The following CAND1 variants were observed in gnomAD, a reference collection of about 807,000 sequenced individuals.
CAND1 encodes cullin-associated NEDD8-dissociated protein 1.
Under a neutral mutation model 108.5 loss-of-function variants are expected in CAND1, and 7 were observed. The ratio of observed to expected loss-of-function variants is 0.06; its 90% CI spans 0.04 to 0.12. CAND1 has a LOEUF of 0.12. CAND1 is among the 10% of genes least tolerant of loss of function. The probability of loss-of-function intolerance (pLI) is 1.00; values close to 1 mark genes in which losing one functional copy is unlikely to be tolerated. For synonymous variants in CAND1, 534 were observed against 512.0 expected (o/e 1.04, Z -0.58); for missense variants, 941 against 1,448.7 (o/e 0.65, Z 5.69).
chr12:67,272,451 A>G (rs1400588185), intron 1 of CAND1, among the ~76,000 whole-genome samples: 1 of 152,332 alleles, frequency 6.6e-6, no homozygotes, highest in East Asian at 1.9e-4. Context: ...ATTAATACAG[A>G]GAAGGTAAAG....
At chr12:67,297,334 G>A in intron 4 of CAND1, 73 bp from the exon 5 acceptor site, 1 of 1,381,894 alleles carries the variant, frequency 7.2e-7, no homozygotes, top group Non-Finnish European at 1.0e-6. Context: ...GAGGTCAGAG[G>A]CCAGACATTT....
Position 67,302,564 on chromosome 12 carries a change from C to A in CAND1, c.1242C>A (p.Asp414Glu), listed in dbSNP as rs1488171932. The change falls in exon 8 of 15, where the codon GAC becomes GAA. Residue 414 changes from aspartate to glutamate, a missense_variant. This residue lies in a region of CAND1 where 697 missense variants were observed against 942.0 expected (regional missense o/e 0.74). Transcript: ENST00000545606. ...QTRPVQSWLC[D>E]PDAMEQGETP... ...GTCCTGTACAAAGTTGGCTATGTGA[C>A]CCTGATGCAATGGAGCAGGGAGAAA... The A allele has an allele frequency of 6.2e-7, 1 of 1,614,090 alleles. No homozygotes were observed. The highest frequency in any genetic ancestry group is 1.7e-5 in the Admixed American group (1 of 60,020).
intron 8 of CAND1, among the ~76,000 whole-genome samples, chr12:67,303,631 T>C (rs1221986477): frequency 6.6e-6 from 1 of 152,218 alleles, no homozygotes; most frequent in Non-Finnish European, 1.5e-5. Flanking sequence ...CTTGGCTTTT[T>C]GTTTTTACTC....
chr12:67,294,060 T>C (rs1349871727), intron 3 of CAND1, among the ~76,000 whole-genome samples: 1 of 152,232 alleles, frequency 6.6e-6, no homozygotes, highest in African/African-American at 2.4e-5. Context: ...ATTTTACCTT[T>C]ATTAAATAGT....
At chr12:67,297,899 G>T (rs2044785741) in intron 6 of CAND1, 46 bp downstream of exon 6, 2 of 1,159,806 alleles carry the variant, frequency 1.7e-6, no homozygotes, top group South Asian at 1.4e-5. Context: ...TTTTCCTTAA[G>T]AGTAGAATCA....
chr12:67,269,643 TGGCGGCGGC>T lies in CAND1; in HGVS notation c.-65_-57del, dbSNP rs557106057. On this transcript the variant is annotated 5_prime_UTR_variant, in exon 1 of 15. Coordinates refer to ENST00000545606, the MANE Select transcript of CAND1 (RefSeq NM_018448.5). Reference sequence around the variant, plus strand: ...CCGCGAGCGAGAGGAGGAGCTCCAGTGGCGGCGGCGGCGGCGGCAGCGGCAGCGGGCAGC... The same window carrying T: ...CCGCGAGCGAGAGGAGGAGCTCCAGTGGCGGCGGCAGCGGCAGCGGGCAGC... 8 of 1,315,660 alleles carry T rather than the reference TGGCGGCGGC, an allele frequency of 6.1e-6. No individual in the cohort carries two copies. The highest frequency in any genetic ancestry group is 2.3e-4 in the Middle Eastern group (1 of 4,336). 81.5% of individuals were successfully genotyped at this position (1,315,660 alleles called of 1,614,324 possible). A position where few individuals can be genotyped will look rare whatever the true frequency, so the allele number is the denominator to read the frequency against.
chr12:67,300,519 ATTC>A lies in CAND1; in HGVS notation c.1000+1430_1000+1432del, dbSNP rs1038875906. ...TTTTCCATCTCAGAATGGTACCTCT[ATTC>A]TTCTTAGTTGATCAGGCCAAAAACC... On this transcript the variant is annotated intron_variant, in intron 7 of 14. Coordinates refer to ENST00000545606, the MANE Select transcript of CAND1 (RefSeq NM_018448.5). 1.1e-4 allele frequency among the ~76,000 whole-genome samples: 16 copies of A among 152,040 alleles called. 1 individual carries two copies. In the South Asian group the frequency reaches 2.1e-3, roughly 20 times the overall value.
intron 1 of CAND1, among the ~76,000 whole-genome samples, chr12:67,280,300 G>A (rs778180044): frequency 2.6e-5 from 4 of 152,250 alleles, no homozygotes; most frequent in African/African-American, 7.2e-5. Context: ...TTAAATGAAC[G>A]TACTAGTTAT....
chr12:67,311,062 A>G (rs1046611850), intron 13 of CAND1: 7 of 152,068 alleles, frequency 4.6e-5, no homozygotes, highest in Non-Finnish European at 1.0e-4. Context: ...AAGCAGGACA[A>G]AAGTGGTAAC....
chr12:67,296,904 C>G (rs569460644), intron 4 of CAND1, among the ~76,000 whole-genome samples: 1 of 151,894 alleles, frequency 6.6e-6, no homozygotes, highest in Non-Finnish European at 1.5e-5. Flanking sequence ...CTCAGGTGAT[C>G]CTCCCACTTC....
At position 67,316,010 on chromosome 12, in the gene CAND1, T is replaced by C. The variant is rs1368360269; in HGVS notation, c.*3180T>C. The stretch of plus-strand genomic sequence containing the variant: ...TACTAAAGACCTAAATTGTTAAAAT[T>C]AATTGCCAATCTCTGGATATATTAT... On this transcript the variant is annotated 3_prime_UTR_variant, in exon 15 of 15. Transcript: ENST00000545606. 1 of 152,216 alleles carries C rather than the reference T, an allele frequency of 6.6e-6. No homozygotes were observed. Among genetic ancestry groups the C allele is most frequent in the South Asian group, 2.1e-4 (1 of 4,836 alleles). 9.4% of individuals were successfully genotyped at this position (152,216 alleles called of 1,614,324 possible).
rs1341131199 is a variant in CAND1, at chr12:67,305,362, T to C, written c.1694T>C (p.Ile565Thr). The C allele has an allele frequency of 6.2e-7, 1 of 1,614,150 alleles. No individual in the cohort carries two copies. Among genetic ancestry groups the C allele is most frequent in the Admixed American group, 1.7e-5 (1 of 60,016 alleles). Residue 565 changes from isoleucine (I) to threonine (T), a missense_variant, in exon 10 of 15, where the codon ATC becomes ACC. Ile to Thr is a moderately conservative substitution (Grantham distance 89). Transcript: ENST00000545606. The surrounding 1 kb of genome is among the most constrained non-coding windows in gnomAD (Gnocchi z 4.4). ...TCCTCGTTTGATGCAACTCCTTATA[T>C]CAAAGATCTATTTACCTGTACCATT... ...QPSSFDATPY[I>T]KDLFTCTIKR... is the part of the protein sequence containing the mutation.
In CAND1 at chr12:67,310,308, G is replaced by A. The variant is rs1310709802; in HGVS notation, c.3352G>A (p.Asp1118Asn). ...TGAAGATGGTTTGAAGGACCATTAT[G>A]ATATTAAGGTAAGATGTTTGTGCCT... The part of the protein sequence containing the change: ...HVEDGLKDHY[D>N]IKMLTFLMLV... The change falls in exon 13 of 15, where the codon GAT becomes AAT. Residue 1118 changes from aspartate (D) to asparagine (N), a missense_variant. By Grantham distance (23) the Asp-to-Asn change is conservative (BLOSUM62 1). Coordinates refer to ENST00000545606, the MANE Select transcript of CAND1 (RefSeq NM_018448.5). 1 of 1,603,400 alleles carries A rather than the reference G, an allele frequency of 6.2e-7. No homozygotes were observed. Among genetic ancestry groups the A allele is most frequent in the Non-Finnish European group, 8.5e-7 (1 of 1,172,318 alleles).
In CAND1 at chr12:67,273,479, C is replaced by CTT. The variant is rs535435592; in HGVS notation, c.68+3711_68+3712dup. On this transcript the variant is annotated intron_variant, in intron 1 of 14. Coordinates refer to ENST00000545606, the MANE Select transcript of CAND1 (RefSeq NM_018448.5). ...TAGGTTGAGGTAACTAAGTTCTTTT[C>CTT]TTTTTTTTTTTTTTTTTTAGAGATA... Among the ~76,000 whole-genome samples, 289 of 130,592 alleles carry CTT rather than the reference C, an allele frequency of 2.2e-3. 2 individuals carry two copies. The highest frequency in any genetic ancestry group is 9.1e-3 in the South Asian group (37 of 4,088). The allele number at this position is 130,592 out of a possible 152,430, so 85.7% of individuals were successfully genotyped here.
At chr12:67,311,931 A>G (rs1267456976) in intron 14 of CAND1, 131 bp downstream of exon 14, 12 of 580,168 alleles carry the variant, frequency 2.1e-5, no homozygotes, top group East Asian at 1.1e-4. Context: ...AAGTTAACCT[A>G]TCGAATACTG....
In CAND1 at chr12:67,306,051, T is replaced by C. The variant is rs1404893908; in HGVS notation, c.2383T>C (p.Ser795Pro). 2.5e-6 allele frequency: 4 copies of C among 1,614,016 alleles called. No homozygotes were observed. Among genetic ancestry groups the C allele is most frequent in the Non-Finnish European group, 3.4e-6 (4 of 1,180,022 alleles). ...SQSTALTHKQ[S>P]YYSIAKCVAA... ...GAGCACAGCTCTTACTCATAAGCAGTCTTATTATTCCATTGCCAAATGTGT... is the reference window on the plus strand; with the variant it reads ...GAGCACAGCTCTTACTCATAAGCAGCCTTATTATTCCATTGCCAAATGTGT... The change falls in exon 10 of 15, where the codon TCT becomes CCT. Residue 795 changes from serine (S) to proline (P), a missense_variant. This residue lies in a region of CAND1 where 697 missense variants were observed against 942.0 expected (regional missense o/e 0.74). Transcript: ENST00000545606.
At chr12:67,290,070 T>A (rs1273935423) in intron 2 of CAND1, among the ~76,000 whole-genome samples, 1 of 152,262 alleles carries the variant, frequency 6.6e-6, no homozygotes, top group Non-Finnish European at 1.5e-5. Flanking sequence ...TTATTTTTCC[T>A]ATGGTGTTTT....
At chr12:67,287,961 G>A (rs770681858) in intron 2 of CAND1, among the ~76,000 whole-genome samples, 1 of 148,442 alleles carries the variant, frequency 6.7e-6, no homozygotes, top group Non-Finnish European at 1.5e-5. Flanking sequence ...ATTCTACTGT[G>A]GTCAGGGCAC....
intron 4 of CAND1, among the ~76,000 whole-genome samples, chr12:67,296,822 T>G (rs1321961863): frequency 3.3e-5 from 5 of 150,624 alleles, no homozygotes; most frequent in Admixed American, 1.3e-4. Context: ...GGTTTTGGTT[T>G]TGAGACAGGT....
Sources: allele counts gnomAD v4.1 joint callset (sites outside exome capture counted in the v4.1 genomes callset), GRCh38; gene constraint gnomAD v4.1.1; regional missense constraint gnomAD v4.1.1; non-coding constraint Gnocchi (gnomAD v3.1); transcripts MANE v1.5; gene names NCBI Gene and HGNC (gene_info 2026-07-23, HGNC 2026-07-21).